HVCN1: variants seen among roughly 807,000 people sequenced by gnomAD.
HVCN1 encodes the protein voltage-gated hydrogen channel 1.
In HVCN1, 14 loss-of-function variants were observed where a neutral mutation model predicts 29.2. The observed-to-expected ratio is 0.48, with a 90% CI of 0.32 to 0.75. The LOEUF is 0.75. Among genes scored for constraint, HVCN1 ranks in the 30% least tolerant of loss-of-function variants. HVCN1 has a pLI of 0.04. For missense variants in HVCN1, 263 were observed against 341.8 expected (o/e 0.77, Z 1.82); for synonymous variants, 131 against 133.2 (o/e 0.98, Z 0.11).
At chr12:110,656,253 G>A (rs1228954041) in intron 4 of HVCN1, among the ~76,000 whole-genome samples, 1 of 152,220 alleles carries the variant, frequency 6.6e-6, no homozygotes, top group Non-Finnish European at 1.5e-5. Context: ...GTGAAGGGGA[G>A]AGGAGTCCTG....
In HVCN1 at chr12:110,665,096, TC is replaced by T. The variant is rs1369573462; in HGVS notation, c.22-3649del. On this transcript the variant is annotated intron_variant, in intron 3 of 7. Coordinates refer to ENST00000242607, the MANE Select transcript of HVCN1 (RefSeq NM_032369.4). ...ATAAGCCTTGAAATGAACAAACTGATCCCCAAGTAAATTTACTGCCTGTTGG... is the reference window on the plus strand; with the variant it reads ...ATAAGCCTTGAAATGAACAAACTGATCCCAAGTAAATTTACTGCCTGTTGG... Among the ~76,000 whole-genome samples the T allele has an allele frequency of 3.3e-5, 5 of 152,002 alleles. No homozygotes were observed. The East Asian group carries it at 5.8e-4, about 18-fold the overall frequency.
chr12:110,667,789 A>C (rs1174049499), intron 3 of HVCN1, among the ~76,000 whole-genome samples: 1 of 152,184 alleles, frequency 6.6e-6, no homozygotes, highest in Non-Finnish European at 1.5e-5. Flanking sequence ...CCTATTTCTC[A>C]GTAGTGTGGG....
At chr12:110,659,420 T>C (rs993764674) in intron 4 of HVCN1, among the ~76,000 whole-genome samples, 1 of 152,216 alleles carries the variant, frequency 6.6e-6, no homozygotes, top group East Asian at 1.9e-4. Context: ...GACGGGTCTA[T>C]TTTGTTTGGG....
At position 110,696,695 on chromosome 12, in the gene HVCN1, G is replaced by C. The variant is rs551329216; in HGVS notation, c.-104+5614C>G. Reference sequence around the variant, plus strand: ...AATATCATCATATATGGTCTTTTGCGTCTGGTGTCATTCATTGAGCACAAT... The same window carrying C: ...AATATCATCATATATGGTCTTTTGCCTCTGGTGTCATTCATTGAGCACAAT... On this transcript the variant is annotated intron_variant, in intron 2 of 4. Coordinates refer to the HVCN1 transcript ENST00000546713. Among the ~76,000 whole-genome samples, 11 of 152,174 alleles carry C rather than the reference G, an allele frequency of 7.2e-5. 1 individual carries two copies. Among genetic ancestry groups the C allele is most frequent in the African/African-American group, 2.7e-4 (11 of 41,494 alleles).
At chr12:110,653,575 C>T (rs1258432105) in intron 5 of HVCN1, among the ~76,000 whole-genome samples, 3 of 152,124 alleles carry the variant, frequency 2.0e-5, no homozygotes, top group East Asian at 3.9e-4. Flanking sequence ...GACACGGTGG[C>T]TCTTGCCTGT....
At chr12:110,678,694 C>G (rs753848014) in intron 3 of HVCN1, among the ~76,000 whole-genome samples, 1 of 152,006 alleles carries the variant, frequency 6.6e-6, no homozygotes, top group African/African-American at 2.4e-5. Context: ...TCAAGTGATC[C>G]GCCTGCCTTG....
chr12:110,699,906 G>T (rs547133060), intron 2 of HVCN1, among the ~76,000 whole-genome samples: 1 of 152,186 alleles, frequency 6.6e-6, no homozygotes, highest in African/African-American at 2.4e-5. Flanking sequence ...GCTGTAAGTT[G>T]CCTCCGTTCC....
At chr12:110,679,769 C>T (rs1470512536) in intron 3 of HVCN1, among the ~76,000 whole-genome samples, 8 of 151,634 alleles carry the variant, frequency 5.3e-5, no homozygotes, top group East Asian at 3.9e-4. Context: ...AGGAGAATGG[C>T]GTGAACCCGG....
intron 3 of HVCN1, among the ~76,000 whole-genome samples, chr12:110,681,746 G>A (rs2068982411): frequency 6.6e-6 from 1 of 151,998 alleles, no homozygotes; most frequent in Non-Finnish European, 1.5e-5. Context: ...CTGCTGCCCT[G>A]AGCTTCCTGC....
chr12:110,649,405 C>T lies in HVCN1; in HGVS notation c.*5G>A, dbSNP rs749423923. ...GTCTTCTTTTTGAGGGGAGCTGGTCCGGGTCTAGTTCACTTCACCAAGAAG... is the reference window on the plus strand; with the variant it reads ...GTCTTCTTTTTGAGGGGAGCTGGTCTGGGTCTAGTTCACTTCACCAAGAAG... On this transcript the variant is annotated 3_prime_UTR_variant, in exon 8 of 8. Transcript: ENST00000242607. 47 of 1,605,692 alleles carry T rather than the reference C, an allele frequency of 2.9e-5. No individual in the cohort carries two copies. The highest frequency in any genetic ancestry group is 1.9e-4 in the African/African-American group (14 of 74,740).
At chr12:110,656,782 G>A (rs925119107) in intron 4 of HVCN1, among the ~76,000 whole-genome samples, 4 of 152,184 alleles carry the variant, frequency 2.6e-5, no homozygotes, top group African/African-American at 9.7e-5. Context: ...TTATGATGTG[G>A]TTTCTTGTGA....
intron 4 of HVCN1, among the ~76,000 whole-genome samples, chr12:110,656,021 G>A (rs901691375): frequency 2.0e-5 from 3 of 152,112 alleles, no homozygotes; most frequent in African/African-American, 7.2e-5. Flanking sequence ...GTATTTTTCT[G>A]TTCCTGGGGA....
At chr12:110,680,635 G>A (rs2068932078) in intron 3 of HVCN1, among the ~76,000 whole-genome samples, 1 of 152,050 alleles carries the variant, frequency 6.6e-6, no homozygotes, top group South Asian at 2.1e-4. Context: ...AAAGACAGTG[G>A]GCCAGGTGCG....
Position 110,661,215 on chromosome 12 carries a change from G to T in HVCN1, c.255C>A (p.Pro85=), listed in dbSNP as rs199745182. The T allele has an allele frequency of 3.2e-5, 52 of 1,613,786 alleles. No individual in the cohort carries two copies. In the East Asian group the frequency reaches 9.8e-4, roughly 30 times the overall value. Residue 85 remains proline, a synonymous_variant, in exon 4 of 8, where the codon CCC becomes CCA. Coordinates refer to ENST00000242607, the MANE Select transcript of HVCN1 (RefSeq NM_032369.4). This position sits in a 1 kb window ranked among gnomAD's most constrained non-coding sequence, Gnocchi z 6.2. Reference sequence around the variant, plus strand: ...TCCTCAACATGCCCCTGAAGTCAAGGGGGGCCCTGGGTGCGGGGCCAGGGG... The same window carrying T: ...TCCTCAACATGCCCCTGAAGTCAAGTGGGGCCCTGGGTGCGGGGCCAGGGG... ...APAPGPAPRA[P]LDFRGMLRKL...
At chr12:110,655,479 C>T (rs370277686) in intron 4 of HVCN1, 141 bp from the exon 5 acceptor site, 25 of 626,756 alleles carry the variant, frequency 4.0e-5, no homozygotes, top group South Asian at 5.5e-5. Context: ...TGCTATAGCT[C>T]GCCAGAGGCC....
At chr12:110,649,821 G>A (rs974800500) in intron 7 of HVCN1, among the ~76,000 whole-genome samples, 1 of 152,186 alleles carries the variant, frequency 6.6e-6, no homozygotes, top group African/African-American at 2.4e-5. Flanking sequence ...CTGCAGGCGG[G>A]TGCTGCGGCA....
At chr12:110,657,525 A>G (rs949130666) in intron 4 of HVCN1, among the ~76,000 whole-genome samples, 1 of 150,266 alleles carries the variant, frequency 6.7e-6, no homozygotes, top group Admixed American at 6.6e-5. Flanking sequence ...AAAAAAAAAG[A>G]AAATGCTCTG....
rs1055471516 is a variant in HVCN1 at position 110,661,670 on chromosome 12, C to G, written c.22-222G>C. ...CAGGAAACTCCTGCCCCCAGCAGGC[C>G]TGTCACTGTGGTCTGGTTGGCAGTA... On this transcript the variant is annotated intron_variant, in intron 3 of 7. Coordinates refer to ENST00000242607, the MANE Select transcript of HVCN1 (RefSeq NM_032369.4). The surrounding 1 kb of genome is among the most constrained non-coding windows in gnomAD (Gnocchi z 6.2). Among the ~76,000 whole-genome samples, 4 of 152,226 alleles carry G rather than the reference C, an allele frequency of 2.6e-5. No individual in the cohort carries two copies. The highest frequency in any genetic ancestry group is 9.6e-5 in the African/African-American group (4 of 41,464).
rs369188786 is a variant in HVCN1 at position 110,651,457 on chromosome 12, G to T, written c.412-9C>A. 29 of 1,582,934 alleles carry T rather than the reference G, an allele frequency of 1.8e-5. No homozygotes were observed. Among genetic ancestry groups the T allele is most frequent in the Non-Finnish European group, 2.3e-5 (27 of 1,151,810 alleles). On this transcript the variant is annotated splice_polypyrimidine_tract_variant and intron_variant, in intron 5 of 7. Coordinates refer to ENST00000242607, the MANE Select transcript of HVCN1 (RefSeq NM_032369.4). ...CTCATGTAGTGGAATACCTGAAGGG[G>T]ACAAGGAACCACAGTCAGGGGAGAT...
Sources: allele counts gnomAD v4.1 joint callset (sites outside exome capture counted in the v4.1 genomes callset), GRCh38; gene constraint gnomAD v4.1.1; non-coding constraint Gnocchi (gnomAD v3.1); transcripts MANE v1.5; gene names NCBI Gene and HGNC (gene_info 2026-07-23, HGNC 2026-07-21).